C1QTNF12: variants seen among roughly 807,000 people sequenced by gnomAD.
C1QTNF12 encodes C1q and TNF related 12, also known as adipolin.
In C1QTNF12, 39 loss-of-function variants were observed where a neutral mutation model predicts 34.3. That is an observed-to-expected ratio of 1.14 (90% CI 0.88 to 1.49). C1QTNF12 has a LOEUF of 1.49. Ranked by LOEUF, C1QTNF12 falls within the 40% of genes most tolerant of loss-of-function variation. The pLI is 0.00. For missense variants in C1QTNF12, 497 were observed against 424.7 expected, an observed-to-expected ratio of 1.17 and a Z score of -1.50; for synonymous variants, 220 against 196.9, an observed-to-expected ratio of 1.12 and a Z score of -0.98.
In C1QTNF12 at chr1:1,246,431, A is replaced by G; in HGVS notation, c.177+83T>C. 8.7e-7 allele frequency: 1 copy of G among 1,144,032 alleles called. No individual in the cohort carries two copies. Among genetic ancestry groups the G allele is most frequent in the Non-Finnish European group, 1.1e-6 (1 of 909,044 alleles). 70.9% of individuals were successfully genotyped at this position (1,144,032 alleles called of 1,614,324 possible). A position where few individuals can be genotyped will look rare whatever the true frequency, so the allele number is the denominator to read the frequency against. On this transcript the variant is annotated intron_variant, in intron 1 of 7. Coordinates refer to ENST00000330388, the MANE Select transcript of C1QTNF12 (RefSeq NM_001014980.3). This position sits in a 1 kb window ranked among gnomAD's most constrained non-coding sequence, Gnocchi z 4.5. ...CGACCCGGAGGCAGAGCCGGCAGGG[A>G]CAGAGCCTGCTGGGGGAGGACGCCC...
At chr1:1,242,667 TCACAACCGCAGC>T (rs1557532779) in intron 7 of C1QTNF12, 21 bp from the exon 8 acceptor site, 26 of 1,577,676 alleles carry the variant, frequency 1.6e-5, no homozygotes, top group Non-Finnish European at 2.2e-5. Flanking sequence ...CACGGGGACG[TCACAACCGCAGC>T]CACAGCCCAG....
intron 1 of C1QTNF12, among the ~76,000 whole-genome samples, chr1:1,245,868 C>T (rs1205074182): frequency 6.6e-6 from 1 of 152,216 alleles, no homozygotes; most frequent in Non-Finnish European, 1.5e-5. Flanking sequence ...GCTCCCCTCC[C>T]AGTCCTGGGG....
Position 1,243,126 on chromosome 1 carries a change from G to A in C1QTNF12, c.667C>T (p.Arg223Trp), listed in dbSNP as rs775697808. 9.5e-6 allele frequency: 15 copies of A among 1,584,934 alleles called. No homozygotes were observed. The highest frequency in any genetic ancestry group is 8.0e-5 in the South Asian group (7 of 87,192). Residue 223 changes from arginine to tryptophan, a missense_variant, in exon 6 of 8, where the codon CGG becomes TGG. Transcript: ENST00000330388. ...CACACCACGTCCCGGGCCCGCAGCCGGGCCTTGCCCTGCAGCTCACTGTGG... is the reference window on the plus strand; with the variant it reads ...CACACCACGTCCCGGGCCCGCAGCCAGGCCTTGCCCTGCAGCTCACTGTGG... ...VDHSELQGKA[R>W]LRARDVVCVL...
Position 1,242,645 on chromosome 1 carries a change from G to T in C1QTNF12, c.812C>A (p.Ala271Asp), listed in dbSNP as rs1352175941. The change falls in exon 8 of 8, where the codon GCT (alanine) becomes GAT (aspartate). Residue 271 changes from alanine to aspartate, a missense_variant and splice_region_variant. Ala to Asp is a moderately radical substitution (Grantham distance 126, BLOSUM62 -2). Coordinates refer to ENST00000330388, the MANE Select transcript of C1QTNF12 (RefSeq NM_001014980.3). ...LQVQGLLQLQ[A>D]GQYASVFVDN... is the part of the protein sequence containing the mutation. Reference sequence around the variant, plus strand: ...CACAAACACAGAAGCGTACTGTCCAGCCTGTAAGAAGCACGGGGACGTCAC... The same window carrying T: ...CACAAACACAGAAGCGTACTGTCCATCCTGTAAGAAGCACGGGGACGTCAC... The T allele has an allele frequency of 1.5e-5, 24 of 1,590,760 alleles. No individual in the cohort carries two copies. The highest frequency in any genetic ancestry group is 2.0e-5 in the Non-Finnish European group (23 of 1,169,054).
At chr1:1,247,276 C>T (rs922208180), upstream of C1QTNF12, among the ~76,000 whole-genome samples, 2 of 152,232 alleles carry the variant, frequency 1.3e-5, no homozygotes, top group African/African-American at 4.8e-5. Flanking sequence ...AGCCCCTTCC[C>T]ACGACCTCCT....
chr1:1,242,681 A>ACAGCCC lies in C1QTNF12; in HGVS notation c.811-41_811-36dup, dbSNP rs753451255. 22 of 1,571,338 alleles carry ACAGCCC rather than the reference A, an allele frequency of 1.4e-5. No homozygotes were observed. The East Asian group carries it at 4.9e-4, about 35-fold the overall frequency. ...GCACGGGGACGTCACAACCGCAGCC[A>ACAGCCC]CAGCCCAGCCACTCGGTGGCCAACG... On this transcript the variant is annotated intron_variant, in intron 7 of 7. Transcript: ENST00000330388.
chr1:1,243,075 A>G lies in C1QTNF12; in HGVS notation c.718T>C (p.Cys240Arg). The change falls in exon 6 of 8, where the codon TGC becomes CGC. Residue 240 changes from cysteine (C) to arginine (R), a missense_variant. Transcript: ENST00000330388. ...GAGGTCACTCACGTGTGGCGCTGGC[A>G]CAGGGACTCAATACAGATGAGAACA... ...VCVLICIESL[C>R]QRHTCLEAVS... The G allele has an allele frequency of 6.3e-7, 1 of 1,584,376 alleles. No individual in the cohort carries two copies. The highest frequency in any genetic ancestry group is 8.6e-7 in the Non-Finnish European group (1 of 1,166,140).
At position 1,242,583 on chromosome 1, in the gene C1QTNF12, C is replaced by T. The variant is rs1638766477; in HGVS notation, c.874G>A (p.Gly292Ser). The T allele has an allele frequency of 6.3e-7, 1 of 1,587,738 alleles. No homozygotes were observed. The highest frequency in any genetic ancestry group is 8.6e-7 in the Non-Finnish European group (1 of 1,167,352). ...GSGAVLTIQA[G>S]SSFSGLLLGT is the part of the protein sequence containing the mutation. ...AGGAGCAGCCCGGAGAAGCTGGAGCCCGCCTGGATGGTGAGGACGGCCCCG... is the reference window on the plus strand; with the variant it reads ...AGGAGCAGCCCGGAGAAGCTGGAGCTCGCCTGGATGGTGAGGACGGCCCCG... Residue 292 changes from glycine (G) to serine (S), a missense_variant, in exon 8 of 8, where the codon GGC becomes AGC. Transcript: ENST00000330388.
intron 4 of C1QTNF12, 109 bp downstream of exon 4, chr1:1,243,845 C>T (rs1232921957): frequency 7.3e-7 from 1 of 1,369,918 alleles, no homozygotes; most frequent in East Asian, 2.5e-5. Context: ...GCCCCGCCCC[C>T]AGCCCCCAAC....
At chr1:1,246,724 C>G, upstream of C1QTNF12, 1 of 1,214,100 alleles carries the variant, frequency 8.2e-7, no homozygotes, top group Non-Finnish European at 1.0e-6. This position sits in a 1 kb window ranked among gnomAD's most constrained non-coding sequence, Gnocchi z 4.5. Flanking sequence ...CGCGGCGAGT[C>G]TCGGCGCCAG....
rs182319245 is a variant in C1QTNF12 at position 1,245,742 on chromosome 1, G to A, written c.177+772C>T. Among the ~76,000 whole-genome samples, 764 of 152,350 alleles carry A rather than the reference G, an allele frequency of 5.0e-3. 4 individuals carry two copies. The highest frequency in any genetic ancestry group is 9.2e-3 in the Non-Finnish European group (623 of 68,036). On this transcript the variant is annotated intron_variant, in intron 1 of 7. Transcript: ENST00000330388. ...GGGAAACGGGACCTCGGGCTCCAGCGGGGCCGCGTGGGCTGAGAGGCAGCC... is the reference window on the plus strand; with the variant it reads ...GGGAAACGGGACCTCGGGCTCCAGCAGGGCCGCGTGGGCTGAGAGGCAGCC...
rs372982260 is a variant in C1QTNF12, at chr1:1,244,296, G to A, written c.295-21C>T. ...TCCCGCTGGGGGGAGAGAGAAGCAGGTGAGGGGCCCAGTGGGACCCGGTGG... is the reference window on the plus strand; with the variant it reads ...TCCCGCTGGGGGGAGAGAGAAGCAGATGAGGGGCCCAGTGGGACCCGGTGG... On this transcript the variant is annotated intron_variant, in intron 2 of 7. Coordinates refer to ENST00000330388, the MANE Select transcript of C1QTNF12 (RefSeq NM_001014980.3). The A allele has an allele frequency of 4.4e-6, 7 of 1,591,746 alleles. No homozygotes were observed. The East Asian group carries it at 6.8e-5, about 15-fold the overall frequency.
At chr1:1,247,183 G>A (rs535441300), upstream of C1QTNF12, among the ~76,000 whole-genome samples, 1 of 151,876 alleles carries the variant, frequency 6.6e-6, no homozygotes, top group Non-Finnish European at 1.5e-5. Flanking sequence ...CGCCCTCCCT[G>A]CCAGCTGAAC....
At chr1:1,243,830 T>C in intron 4 of C1QTNF12, 124 bp downstream of exon 4, 2 of 905,750 alleles carry the variant, frequency 2.2e-6, no homozygotes, top group Non-Finnish European at 3.3e-6. Context: ...CCCCTCGCCC[T>C]CCGAGCCCCG....
At chr1:1,243,894 T>C (rs1398105620) in intron 4 of C1QTNF12, 60 bp downstream of exon 4, 5 of 1,537,548 alleles carry the variant, frequency 3.3e-6, no homozygotes, top group Non-Finnish European at 3.5e-6. Context: ...GTGTGTGTGG[T>C]CCCGTCTTGC....
Position 1,244,004 on chromosome 1 carries a change from G to A in C1QTNF12, c.481C>T (p.Pro161Ser), listed in dbSNP as rs747834151. Residue 161 changes from proline to serine, a missense_variant, in exon 4 of 8, where the codon CCC becomes TCC. Physicochemically the swap from Pro to Ser is moderately conservative, Grantham distance 74. Transcript: ENST00000330388. The stretch of plus-strand genomic sequence containing the variant: ...AGCGTCCGCTTGTCCACCCGGCGGG[G>A]ACCCTGCAGCCGGCAGTGAAAGGCC... Reference protein sequence around the residue: ...GEAFHCRLQGPRRVDKRTLVE... With the variant: ...GEAFHCRLQGSRRVDKRTLVE... 33 of 1,604,926 alleles carry A rather than the reference G, an allele frequency of 2.1e-5. No homozygotes were observed. In the South Asian group the frequency reaches 3.2e-4, roughly 16 times the overall value.
Position 1,243,134 on chromosome 1 carries a change from C to T in C1QTNF12, c.659G>A (p.Gly220Asp). Residue 220 changes from glycine to aspartate, a missense_variant, in exon 6 of 8, where the codon GGC becomes GAC. By Grantham distance (94) the Gly-to-Asp change is moderately conservative. Coordinates refer to ENST00000330388, the MANE Select transcript of C1QTNF12 (RefSeq NM_001014980.3). ...SLHVDHSELQGKARLRARDVV... is the reference protein window; with the variant it reads ...SLHVDHSELQDKARLRARDVV... Reference sequence around the variant, plus strand: ...GTCCCGGGCCCGCAGCCGGGCCTTGCCCTGCAGCTCACTGTGGTCTGCGGA... The same window carrying T: ...GTCCCGGGCCCGCAGCCGGGCCTTGTCCTGCAGCTCACTGTGGTCTGCGGA... The T allele has an allele frequency of 1.3e-6, 2 of 1,580,338 alleles. No homozygotes were observed. Among genetic ancestry groups the T allele is most frequent in the South Asian group, 2.3e-5 (2 of 86,682 alleles).
chr1:1,244,230 C>A lies in C1QTNF12; in HGVS notation c.340G>T (p.Ala114Ser), dbSNP rs764137839. 5.0e-6 allele frequency: 8 copies of A among 1,597,838 alleles called. No homozygotes were observed. The highest frequency in any genetic ancestry group is 4.0e-5 in the African/African-American group (3 of 74,308). Residue 114 changes from alanine to serine, a missense_variant, in exon 3 of 8, where the codon GCG becomes TCG. Coordinates refer to ENST00000330388, the MANE Select transcript of C1QTNF12 (RefSeq NM_001014980.3). ...PPGPPGAEVT[A>S]ETLLHEFQEL... is the part of the protein sequence containing the mutation. The stretch of plus-strand genomic sequence containing the variant: ...TGAAACTCGTGAAGCAGAGTCTCCG[C>A]GGTCACTTCTGCACCTGGAGGTCCT...
chr1:1,243,907 G>C, intron 4 of C1QTNF12, 47 bp downstream of exon 4: 1 of 1,574,238 alleles, frequency 6.4e-7, no homozygotes, highest in Non-Finnish European at 8.6e-7. Context: ...CGTCTTGCCT[G>C]TGGGGCCCCA....
Sources: gnomAD v4.1 joint callset for allele counts (sites outside exome capture counted in the v4.1 genomes callset) on GRCh38, gnomAD v4.1.1 for gene constraint, Gnocchi (gnomAD v3.1) non-coding constraint, MANE v1.5 for transcripts, NCBI Gene and HGNC (gene_info 2026-07-23, HGNC 2026-07-21) for gene names.